The following SMG1 variants were observed in gnomAD, a reference collection of about 807,000 sequenced individuals.
SMG1 encodes serine/threonine-protein kinase SMG1.
Under a neutral mutation model 419.9 loss-of-function variants are expected in SMG1, and 22 were observed. The ratio of observed to expected loss-of-function variants is 0.05; its 90% CI spans 0.04 to 0.07. SMG1 has a LOEUF of 0.07. Among genes scored for constraint, SMG1 ranks in the 10% least tolerant of loss-of-function variants. The probability of loss-of-function intolerance (pLI) is 1.00; values close to 1 mark genes in which losing one functional copy is unlikely to be tolerated. For synonymous variants in SMG1, 1,538 were observed against 1,553.5 expected (o/e 0.99, Z 0.23); for missense variants, 3,185 against 4,342.0 (o/e 0.73, Z 7.49).
Position 18,834,287 on chromosome 16 carries a change from C to T in SMG1, c.8482G>A (p.Val2828Met). Residue 2828 changes from valine (V) to methionine (M), a missense_variant, in exon 50 of 63, where the codon GTG (valine) becomes ATG (methionine). Val to Met is a conservative substitution (Grantham distance 21). This residue lies in a region of SMG1 where 412 missense variants were observed against 546.6 expected (regional missense o/e 0.75). Transcript: ENST00000446231. ...LVQLLKQCHLVPQDLDIPNPM... is the reference protein window; with the variant it reads ...LVQLLKQCHLMPQDLDIPNPM... ...TTCGGGATATCTAAGTCCTGTGGCA[C>T]CAGGTGGCACTGCTTCAGTAACTGA... 6.2e-7 allele frequency: 1 copy of T among 1,611,708 alleles called. No individual in the cohort carries two copies. Among genetic ancestry groups the T allele is most frequent in the Non-Finnish European group, 8.5e-7 (1 of 1,178,948 alleles).
rs1000559431 is a variant in SMG1, at chr16:18,814,814, G to A, written c.10621+361C>T. Among the ~76,000 whole-genome samples, 4 of 150,684 alleles carry A rather than the reference G, an allele frequency of 2.7e-5. 1 individual carries two copies. In the South Asian group the frequency reaches 8.4e-4, roughly 32 times the overall value. ...ACTGGTCTCAAACACCTGACCTTAG[G>A]TGATCCACCTGGCTCAGCCTCCCAA... On this transcript the variant is annotated intron_variant, in intron 60 of 62. Transcript: ENST00000446231.
chr16:18,889,090 C>G (rs1315262512), intron 6 of SMG1, among the ~76,000 whole-genome samples: 4 of 152,140 alleles, frequency 2.6e-5, no homozygotes, highest in African/African-American at 9.7e-5. Context: ...TCCCAAAGTG[C>G]TGGGATTACA....
At chr16:18,841,862 T>C in intron 40 of SMG1, 68 bp from the exon 41 acceptor site, 2 of 1,330,676 alleles carry the variant, frequency 1.5e-6, no homozygotes, top group Non-Finnish European at 2.2e-6. Context: ...CCACTCCTCT[T>C]TTTCAACTAG....
Position 18,849,894 on chromosome 16 carries a change from C to T in SMG1, c.5461+55G>A, listed in dbSNP as rs966354889. 1.1e-5 allele frequency: 16 copies of T among 1,522,950 alleles called. No homozygotes were observed. The Admixed American group carries it at 1.3e-4, about 12-fold the overall frequency. 94.3% of individuals were successfully genotyped at this position (1,522,950 alleles called of 1,614,324 possible). On this transcript the variant is annotated intron_variant, in intron 35 of 62. Transcript: ENST00000446231. ...ACATAAGGAAACCACTTTTTGAAAT[C>T]TTATATATCCTAGTGAGAAACTATT... is the stretch of plus-strand genomic sequence containing the variant.
Position 18,842,303 on chromosome 16 carries a change from A to C in SMG1, c.6371T>G (p.Val2124Gly). Residue 2124 changes from valine to glycine, a missense_variant, in exon 40 of 63, where the codon GTG (valine) becomes GGG (glycine). Val to Gly is a moderately radical substitution (Grantham distance 109). This residue lies in a region of SMG1 where 159 missense variants were observed against 196.0 expected (regional missense o/e 0.81). Transcript: ENST00000446231. ...SARDTVTIHS[V>G]GGTITILPTK... is the part of the protein sequence containing the mutation. ...CGGTAAGATTGTGATGGTTCCGCCCACACTATGGATTGTGACAGTGTCTCT... is the reference window on the plus strand; with the variant it reads ...CGGTAAGATTGTGATGGTTCCGCCCCCACTATGGATTGTGACAGTGTCTCT... The C allele has an allele frequency of 6.2e-7, 1 of 1,614,030 alleles. No individual in the cohort carries two copies. Among genetic ancestry groups the C allele is most frequent in the Non-Finnish European group, 8.5e-7 (1 of 1,179,894 alleles).
chr16:18,811,891 T>C, intron 61 of SMG1, 24 bp from the exon 62 acceptor site: 1 of 1,613,496 alleles, frequency 6.2e-7, no homozygotes, highest in South Asian at 1.1e-5. Context: ...AAAACATACG[T>C]AAGTCAAACC....
intron 3 of SMG1, among the ~76,000 whole-genome samples, chr16:18,893,026 A>G (rs894401750): frequency 5.3e-5 from 8 of 152,212 alleles, no homozygotes; most frequent in African/African-American, 1.9e-4. Context: ...GCCCGGGTGT[A>G]GGTAAATTAA....
Position 18,850,291 on chromosome 16 carries a change from C to A in SMG1, c.5229G>T (p.Leu1743=). The A allele has an allele frequency of 6.2e-7, 1 of 1,613,586 alleles. No individual in the cohort carries two copies. Among genetic ancestry groups the A allele is most frequent in the East Asian group, 2.2e-5 (1 of 44,872 alleles). The stretch of plus-strand genomic sequence containing the variant: ...AGTATGCACTGCAAGAGAGTTTGTA[C>A]AGGCTGAATATTCTATCTACAACTT... ...WRKVVDRIFS[L]YKLSCSAYFT... is the part of the protein sequence containing the mutation. Residue 1743 remains leucine (L), a synonymous_variant, in exon 34 of 63, where the codon CTG becomes CTT. Transcript: ENST00000446231.
intron 1 of SMG1, among the ~76,000 whole-genome samples, chr16:18,912,463 C>T (rs910126266): frequency 1.4e-4 from 22 of 151,940 alleles, no homozygotes; most frequent in South Asian, 6.2e-4. Flanking sequence ...ATAAACATTA[C>T]GTTGTACCCT....
chr16:18,858,965 G>C, intron 28 of SMG1, 57 bp downstream of exon 28: 1 of 995,898 alleles, frequency 1.0e-6, no homozygotes, highest in Non-Finnish European at 1.4e-6. Flanking sequence ...TAAGGTCTTT[G>C]TTCTACAGTA....
intron 23 of SMG1, among the ~76,000 whole-genome samples, chr16:18,865,144 T>G (rs1199309390): frequency 2.6e-5 from 4 of 152,174 alleles, no homozygotes; most frequent in Non-Finnish European, 1.5e-5. Context: ...AATCTTAGTA[T>G]TTCATAAAAT....
intron 23 of SMG1, among the ~76,000 whole-genome samples, chr16:18,865,546 T>TA (rs201502116): frequency 0.088 from 13,351 of 150,930 alleles, 601 homozygotes; most frequent in Middle Eastern, 0.18. Flanking sequence ...GTACATTTAG[T>TA]AAAAAAAAAT....
At chr16:18,873,317 C>T (rs1383861219) in intron 13 of SMG1, among the ~76,000 whole-genome samples, 1 of 152,106 alleles carries the variant, frequency 6.6e-6, no homozygotes, top group African/African-American at 2.4e-5. Context: ...CTCCGGGGTT[C>T]AAGCAATTCT....
At chr16:18,920,626 G>A (rs190963313) in intron 1 of SMG1, among the ~76,000 whole-genome samples, 3 of 151,974 alleles carry the variant, frequency 2.0e-5, no homozygotes, top group African/African-American at 7.2e-5. Context: ...CTTGAGCCTA[G>A]GTATTCAAGA....
rs754428471 is a variant in SMG1 at position 18,830,036 on chromosome 16, A to G, written c.9023T>C (p.Phe3008Ser). 6.3e-7 allele frequency: 1 copy of G among 1,599,878 alleles called. No individual in the cohort carries two copies. Among genetic ancestry groups the G allele is most frequent in the East Asian group, 2.2e-5 (1 of 44,622 alleles). The change falls in exon 53 of 63, where the codon TTT becomes TCT. Residue 3008 changes from phenylalanine (F) to serine (S), a missense_variant. Physicochemically the swap from Phe to Ser is radical, Grantham distance 155 (BLOSUM62 -2). Around this residue, in one of 27 missense-constraint regions of SMG1, gnomAD observed 737 missense variants for 846.6 expected, o/e 0.87. Coordinates refer to ENST00000446231, the MANE Select transcript of SMG1 (RefSeq NM_015092.5). The part of the protein sequence containing the change: ...REARSTQVNF[F>S]DDDNHRQVLE... Reference sequence around the variant, plus strand: ...CACCTGCCGGTGATTATCATCATCAAAAAAATTAACTTGAGTACTCCTGGC... The same window carrying G: ...CACCTGCCGGTGATTATCATCATCAGAAAAATTAACTTGAGTACTCCTGGC...
At chr16:18,843,699 C>T (rs998346172) in intron 39 of SMG1, among the ~76,000 whole-genome samples, 5 of 152,056 alleles carry the variant, frequency 3.3e-5, no homozygotes, top group East Asian at 1.9e-4. Flanking sequence ...AAGAAGTAGA[C>T]GTACACACAA....
At chr16:18,899,696 G>T (rs948882199) in intron 1 of SMG1, among the ~76,000 whole-genome samples, 2 of 152,070 alleles carry the variant, frequency 1.3e-5, no homozygotes, top group African/African-American at 2.4e-5. Flanking sequence ...AATAGAAACT[G>T]CAGATTTGAA....
chr16:18,817,479 A>G lies in SMG1; in HGVS notation c.9895-9T>C. On this transcript the variant is annotated splice_polypyrimidine_tract_variant and intron_variant, in intron 56 of 62. Coordinates refer to ENST00000446231, the MANE Select transcript of SMG1 (RefSeq NM_015092.5). Reference sequence around the variant, plus strand: ...CTGCAGAGAAATGTGACCTGTAAAGACAGAAATGGAACCACAAGAGGAGAT... The same window carrying G: ...CTGCAGAGAAATGTGACCTGTAAAGGCAGAAATGGAACCACAAGAGGAGAT... The G allele has an allele frequency of 6.4e-7, 1 of 1,558,158 alleles. No individual in the cohort carries two copies. The highest frequency in any genetic ancestry group is 8.7e-7 in the Non-Finnish European group (1 of 1,149,592).
In SMG1 at chr16:18,889,405, T is replaced by G. The variant is rs1051770273; in HGVS notation, c.789A>C (p.Val263=). Residue 263 remains valine, a synonymous_variant, in exon 6 of 63, where the codon GTA becomes GTC. Coordinates refer to ENST00000446231, the MANE Select transcript of SMG1 (RefSeq NM_015092.5). The part of the protein sequence containing the change: ...LCATYKALET[V]GEKKAFSSVM... ...CAGATGAAAAGGCTTTCTTTTCTCCTACAGTCTCTAGTGCTTTGTAGGTGG... is the reference window on the plus strand; with the variant it reads ...CAGATGAAAAGGCTTTCTTTTCTCCGACAGTCTCTAGTGCTTTGTAGGTGG... 1.2e-4 allele frequency: 69 copies of G among 594,210 alleles called. No homozygotes were observed. Among genetic ancestry groups the G allele is most frequent in the Non-Finnish European group, 1.8e-4 (62 of 340,680 alleles). The allele number at this position is 594,210 out of a possible 1,614,324, so 36.8% of individuals were successfully genotyped here.
Sources: allele counts gnomAD v4.1 joint callset (sites outside exome capture counted in the v4.1 genomes callset), GRCh38; gene constraint gnomAD v4.1.1; regional missense constraint gnomAD v4.1.1; transcripts MANE v1.5; gene names NCBI Gene and HGNC (gene_info 2026-07-23, HGNC 2026-07-21).